Variants in AVEN observed in about 807,000 individuals in gnomAD.
The protein encoded by AVEN is apoptosis and caspase activation inhibitor.
In AVEN, 41 loss-of-function variants were observed where a neutral mutation model predicts 38.1. The observed-to-expected ratio is 1.08, with a 90% CI of 0.84 to 1.40. AVEN has a LOEUF of 1.40. Ranked by LOEUF, AVEN falls within the 40% of genes most tolerant of loss-of-function variation. AVEN has a pLI of 0.00. For missense variants in AVEN, 605 were observed against 438.8 expected, an observed-to-expected ratio of 1.38 and a Z score of -3.38; for synonymous variants, 206 against 171.8, an observed-to-expected ratio of 1.20 and a Z score of -1.56.
intron 2 of AVEN, among the ~76,000 whole-genome samples, chr15:33,917,502 C>CAT (rs71117200): frequency 1.4e-5 from 2 of 147,966 alleles, no homozygotes; most frequent in African/African-American, 5.1e-5. Flanking sequence ...TATATACACA[C>CAT]GGAATAATTC....
At chr15:33,910,208 A>T (rs1047306005) in intron 2 of AVEN, among the ~76,000 whole-genome samples, 3 of 152,122 alleles carry the variant, frequency 2.0e-5, no homozygotes, top group African/African-American at 7.2e-5. Context: ...CTTCCCTGTA[A>T]GACATATATT....
intron 2 of AVEN, among the ~76,000 whole-genome samples, chr15:33,895,233 AT>A (rs1892184894): frequency 6.7e-6 from 1 of 149,164 alleles, no homozygotes; most frequent in Non-Finnish European, 1.5e-5. Context: ...TTAACCTACT[AT>A]TTTTTTCACT....
chr15:33,877,587 G>T (rs1249118439), intron 2 of AVEN, among the ~76,000 whole-genome samples: 1 of 152,232 alleles, frequency 6.6e-6, no homozygotes, highest in East Asian at 1.9e-4. Context: ...AGCCGAGGAG[G>T]GTGGATCACT....
chr15:34,010,880 T>C (rs935705389), intron 1 of AVEN, among the ~76,000 whole-genome samples: 1 of 152,246 alleles, frequency 6.6e-6, no homozygotes, highest in Non-Finnish European at 1.5e-5. Context: ...TTTGTAAACC[T>C]ATTAAGGTCA....
chr15:33,891,211 A>T (rs1891940653), intron 2 of AVEN, among the ~76,000 whole-genome samples: 1 of 151,954 alleles, frequency 6.6e-6, no homozygotes, highest in Admixed American at 6.6e-5. Context: ...ATTTTGTTTT[A>T]TATTGTATTA....
At chr15:33,984,537 A>G (rs6495424) in intron 2 of AVEN, among the ~76,000 whole-genome samples, 65,729 of 151,600 alleles carry the variant, frequency 0.43, 14,965 homozygotes, top group African/African-American at 0.56. Context: ...CGCGTAGCTC[A>G]GATTACAGGC....
intron 3 of AVEN, among the ~76,000 whole-genome samples, chr15:33,873,471 A>G (rs975626289): frequency 1.2e-4 from 18 of 148,306 alleles, no homozygotes; most frequent in African/African-American, 3.9e-4. Flanking sequence ...AATTACATAT[A>G]TGTGTGTGTG....
chr15:33,905,955 C>T (rs1892684983), intron 2 of AVEN, among the ~76,000 whole-genome samples: 1 of 152,180 alleles, frequency 6.6e-6, no homozygotes, highest in South Asian at 2.1e-4. Flanking sequence ...TTCTAGGACA[C>T]TGTCTTTCTT....
intron 4 of AVEN, 69 bp from the exon 5 acceptor site, chr15:33,867,924 G>A: frequency 2.7e-6 from 4 of 1,499,560 alleles, no homozygotes; most frequent in Non-Finnish European, 3.5e-6. Context: ...TAAATACATA[G>A]GAGGCTAAAC....
chr15:34,068,226 T>C (rs1485167968), intron 2 of AVEN, among the ~76,000 whole-genome samples: 3 of 94,042 alleles, frequency 3.2e-5, no homozygotes, highest in Non-Finnish European at 5.9e-5. Context: ...GTATTCCTTT[T>C]TTCATTCATT....
chr15:33,935,431 T>C (rs75851906), intron 2 of AVEN, among the ~76,000 whole-genome samples: 1,574 of 152,238 alleles, frequency 0.01, 23 homozygotes, highest in African/African-American at 0.036. Context: ...ACTCAGAAAA[T>C]GTCAATTAAA....
At chr15:33,974,519 T>C (rs907229939) in intron 2 of AVEN, among the ~76,000 whole-genome samples, 4 of 152,308 alleles carry the variant, frequency 2.6e-5, no homozygotes, top group African/African-American at 9.6e-5. Flanking sequence ...GAAATTAAAG[T>C]AGCAGAGTGT....
At chr15:33,920,870 T>C (rs1297015481) in intron 2 of AVEN, among the ~76,000 whole-genome samples, 3 of 151,560 alleles carry the variant, frequency 2.0e-5, no homozygotes, top group African/African-American at 4.9e-5. Flanking sequence ...GCCTCCTGGG[T>C]TTTCAAGCGA....
chr15:33,958,213 A>G (rs1567433437), intron 2 of AVEN, among the ~76,000 whole-genome samples: 1 of 152,182 alleles, frequency 6.6e-6, no homozygotes, highest in Non-Finnish European at 1.5e-5. Context: ...CTTTAACCAA[A>G]TCTGTCTTCT....
At position 34,058,453 on chromosome 15, in the gene AVEN, ATTTG is replaced by A. The variant is rs1900230529; in HGVS notation, n.1637+4465_1637+4468del. Reference sequence around the variant, plus strand: ...GTCAACAAACCTAAACTAAGTTGTTATTTGACCTGAGAAATCAGGAGAGAGAGAG... The same window carrying A: ...GTCAACAAACCTAAACTAAGTTGTTAACCTGAGAAATCAGGAGAGAGAGAG... On this transcript the variant is annotated intron_variant and non_coding_transcript_variant, in intron 5 of 11. Coordinates refer to the AVEN transcript ENST00000675287. 1.3e-5 allele frequency among the ~76,000 whole-genome samples: 2 copies of A among 152,016 alleles called. 1 individual carries two copies. The highest frequency in any genetic ancestry group is 4.2e-4 in the South Asian group (2 of 4,816).
chr15:34,034,952 T>G (rs140391959), intron 1 of AVEN, among the ~76,000 whole-genome samples: 106 of 152,332 alleles, frequency 7.0e-4, no homozygotes, highest in African/African-American at 2.3e-3. Context: ...GCTCTCAGTC[T>G]CTAGCTGGCT....
Position 34,063,501 on chromosome 15 carries a change from G to A in AVEN, n.1127-69C>T. On this transcript the variant is annotated intron_variant and non_coding_transcript_variant, in intron 4 of 11. Transcript: ENST00000675287. This position sits in a 1 kb window ranked among gnomAD's most constrained non-coding sequence, Gnocchi z 4.1. ...CTTGCGCTGTCCTCGACCCACCCTG[G>A]CCCAGCGGGAAAGGAACCAGGCCTC... The A allele has an allele frequency of 6.2e-7, 1 of 1,613,716 alleles. No homozygotes were observed. The highest frequency in any genetic ancestry group is 8.5e-7 in the Non-Finnish European group (1 of 1,180,024).
intron 4 of AVEN, chr15:34,064,006 A>C (rs1388819762): frequency 2.5e-6 from 4 of 1,614,038 alleles, no homozygotes; most frequent in Non-Finnish European, 3.4e-6. Context: ...ACCAAACGAA[A>C]GAGAGTGGTC....
At chr15:33,872,449 C>T (rs1411218784) in intron 3 of AVEN, among the ~76,000 whole-genome samples, 1 of 152,140 alleles carries the variant, frequency 6.6e-6, no homozygotes, top group East Asian at 1.9e-4. Flanking sequence ...GCCTGGGGCC[C>T]AGAGACCATG....
Sources: allele counts gnomAD v4.1 joint callset (sites outside exome capture counted in the v4.1 genomes callset), GRCh38; gene constraint gnomAD v4.1.1; non-coding constraint Gnocchi (gnomAD v3.1); transcripts MANE v1.5; gene names NCBI Gene and HGNC (gene_info 2026-07-23, HGNC 2026-07-21).